PPFIA2: variants seen among roughly 807,000 people sequenced by gnomAD.
PPFIA2 encodes liprin-alpha-2.
PPFIA2 carries 46 observed loss-of-function variants against 175.5 expected under a neutral mutation model. The observed-to-expected ratio is 0.26, with a 90% CI of 0.21 to 0.34. The LOEUF is 0.34. Among genes scored for constraint, PPFIA2 ranks in the 10% least tolerant of loss-of-function variants. The pLI, the probability that PPFIA2 is intolerant of heterozygous loss-of-function variation, is 1.00. For synonymous variants in PPFIA2, 568 were observed against 511.4 expected (o/e 1.11, Z -1.49); for missense variants, 1,179 against 1,506.1 (o/e 0.78, Z 3.60).
intron 3 of PPFIA2, among the ~76,000 whole-genome samples, chr12:81,689,862 G>T (rs548475798): frequency 6.6e-6 from 1 of 152,114 alleles, no homozygotes; most frequent in Non-Finnish European, 1.5e-5. Context: ...ATTTCAAAGT[G>T]CATACAATGC....
At chr12:81,462,254 CATATATATAT>C (rs71871906) in intron 4 of PPFIA2, among the ~76,000 whole-genome samples, 11 of 132,860 alleles carry the variant, frequency 8.3e-5, no homozygotes, top group Admixed American at 1.6e-4. Context: ...GCTTTTCTAA[CATATATATAT>C]ATATATATAT....
At chr12:81,469,443 C>T (rs755301297) in intron 4 of PPFIA2, among the ~76,000 whole-genome samples, 7 of 152,128 alleles carry the variant, frequency 4.6e-5, no homozygotes, top group East Asian at 3.9e-4. Flanking sequence ...CAGGGTGCCC[C>T]GCATGCACCC....
At chr12:81,670,438 A>G (rs1291664563) in intron 4 of PPFIA2, among the ~76,000 whole-genome samples, 14 of 151,874 alleles carry the variant, frequency 9.2e-5, no homozygotes. Flanking sequence ...ACCCATGTCT[A>G]TGACCACAAT....
intron 3 of PPFIA2, among the ~76,000 whole-genome samples, chr12:81,719,184 G>C (rs1043696165): frequency 4.6e-5 from 7 of 151,576 alleles, no homozygotes; most frequent in African/African-American, 1.7e-4. Flanking sequence ...CTTCATGTTA[G>C]TACTGGACTT....
intron 3 of PPFIA2, among the ~76,000 whole-genome samples, chr12:81,738,548 T>G (rs535939188): frequency 6.6e-6 from 1 of 151,980 alleles, no homozygotes. Flanking sequence ...AAGTATACAT[T>G]AACATTACAC....
chr12:81,398,032 A>C (rs2041464208), intron 8 of PPFIA2, among the ~76,000 whole-genome samples: 1 of 151,940 alleles, frequency 6.6e-6, no homozygotes, highest in Non-Finnish European at 1.5e-5. Flanking sequence ...GAGTTGTATA[A>C]TTATTTCATT....
intron 4 of PPFIA2, among the ~76,000 whole-genome samples, chr12:81,568,143 A>G (rs1195261311): frequency 1.3e-5 from 2 of 152,222 alleles, no homozygotes; most frequent in Admixed American, 6.5e-5. Context: ...TAGGGGGTGG[A>G]TAAAACATTA....
intron 4 of PPFIA2, among the ~76,000 whole-genome samples, chr12:81,602,422 T>G (rs1460025210): frequency 6.6e-6 from 1 of 151,826 alleles, no homozygotes; most frequent in Non-Finnish European, 1.5e-5. Flanking sequence ...TTCCCAGAAG[T>G]AAGTAGATGG....
chr12:81,445,818 T>C, intron 5 of PPFIA2, 98 bp from the exon 6 acceptor site: 1 of 1,191,230 alleles, frequency 8.4e-7, no homozygotes, highest in South Asian at 1.6e-5. Context: ...TTACATAGTA[T>C]CTAATGTTAG....
At chr12:81,485,599 G>T (rs912534640) in intron 4 of PPFIA2, among the ~76,000 whole-genome samples, 1 of 151,742 alleles carries the variant, frequency 6.6e-6, no homozygotes, top group Non-Finnish European at 1.5e-5. Context: ...AGATCTAAAT[G>T]TTGTGTGCTA....
chr12:81,288,017 T>C (rs1016560274), intron 24 of PPFIA2, among the ~76,000 whole-genome samples: 13 of 151,990 alleles, frequency 8.6e-5, no homozygotes, highest in Non-Finnish European at 1.3e-4. Context: ...AGTCATTTTT[T>C]TGTGGCTAAT....
intron 4 of PPFIA2, among the ~76,000 whole-genome samples, chr12:81,461,439 C>A (rs1239687372): frequency 6.6e-6 from 1 of 152,120 alleles, no homozygotes; most frequent in African/African-American, 2.4e-5. Context: ...TCCAGCCATT[C>A]ATACAACATT....
At chr12:81,483,250 T>C (rs2058449738) in intron 4 of PPFIA2, among the ~76,000 whole-genome samples, 4 of 152,140 alleles carry the variant, frequency 2.6e-5, no homozygotes, top group South Asian at 4.1e-4. Flanking sequence ...AAAAAGCTTT[T>C]ATATGCGTGT....
intron 3 of PPFIA2, among the ~76,000 whole-genome samples, chr12:81,742,323 C>T (rs1268530555): frequency 1.3e-5 from 2 of 152,090 alleles, no homozygotes; most frequent in Non-Finnish European, 2.9e-5. Flanking sequence ...AGGACACAAG[C>T]AAGGAGAACA....
intron 3 of PPFIA2, among the ~76,000 whole-genome samples, chr12:81,684,261 A>T (rs900024970): frequency 6.6e-6 from 1 of 152,130 alleles, no homozygotes; most frequent in Non-Finnish European, 1.5e-5. Context: ...ACTATACAGA[A>T]GAACATTTAA....
chr12:81,727,927 C>T (rs1290246566), intron 3 of PPFIA2, among the ~76,000 whole-genome samples: 2 of 151,334 alleles, frequency 1.3e-5, no homozygotes, highest in Admixed American at 1.3e-4. Flanking sequence ...AAGTTACTAC[C>T]TATTTCTATT....
chr12:81,548,662 G>C (rs2067373605), intron 4 of PPFIA2, among the ~76,000 whole-genome samples: 1 of 151,826 alleles, frequency 6.6e-6, no homozygotes, highest in African/African-American at 2.4e-5. Flanking sequence ...GTTAGTCAAT[G>C]GTTCATCCAT....
intron 4 of PPFIA2, among the ~76,000 whole-genome samples, chr12:81,499,246 C>A (rs565436152): frequency 1.3e-5 from 2 of 152,266 alleles, no homozygotes; most frequent in South Asian, 2.1e-4. Context: ...TCTTTTATGA[C>A]CAACCACTAC....
At chr12:81,531,979 C>T (rs1000140914) in intron 4 of PPFIA2, among the ~76,000 whole-genome samples, 1 of 151,790 alleles carries the variant, frequency 6.6e-6, no homozygotes, top group African/African-American at 2.4e-5. Context: ...GGACACATTT[C>T]TTGATAAATG....
Sources: allele counts gnomAD v4.1 joint callset (sites outside exome capture counted in the v4.1 genomes callset), GRCh38; gene constraint gnomAD v4.1.1; transcripts MANE v1.5; gene names NCBI Gene and HGNC (gene_info 2026-07-23, HGNC 2026-07-21).